The following ACP3 variants were observed in gnomAD, a reference collection of about 807,000 sequenced individuals.
The protein encoded by ACP3 is acid phosphatase 3, also known as prostatic acid phosphatase.
A neutral mutation model predicts 45.6 loss-of-function variants in ACP3; 38 were observed. That is an observed-to-expected ratio of 0.83 (90% CI 0.64 to 1.09). The LOEUF is 1.09. ACP3 is among the 50% of genes least tolerant of loss of function. The pLI is 0.00. For synonymous variants in ACP3, 162 were observed against 164.7 expected (o/e 0.98, Z 0.13); for missense variants, 466 against 463.2 (o/e 1.01, Z -0.05).
intron 7 of ACP3, 103 bp downstream of exon 7, chr3:132,345,162 C>T (rs774670592): frequency 4.4e-4 from 463 of 1,059,214 alleles, no homozygotes; most frequent in Non-Finnish European, 5.7e-4. Flanking sequence ...AGACAGTTCA[C>T]TTAATCACTC....
At chr3:132,367,994 G>A (rs761389559) in exon 11 of ACP3, 3 of 585,926 alleles carry the variant, frequency 5.1e-6, no homozygotes, top group Non-Finnish European at 9.2e-6. Flanking sequence ...GCTGCTGGAT[G>A]AACACTCAGG....
At chr3:132,324,547 C>A (rs962545523) in intron 1 of ACP3, among the ~76,000 whole-genome samples, 1 of 152,140 alleles carries the variant, frequency 6.6e-6, no homozygotes, top group Non-Finnish European at 1.5e-5. Context: ...GCCAACCTGT[C>A]CTCAGACGGG....
At position 132,358,287 on chromosome 3, in the gene ACP3, G is replaced by A; in HGVS notation, c.*1409G>A. ...GAAACAAAATTAGAAATGTAATTAT[G>A]TTCTAAGTGCCTCCAAGTTCAAAAC... On this transcript the variant is annotated 3_prime_UTR_variant, in exon 10 of 10. Transcript: ENST00000336375. 2 of 1,116,534 alleles carry A rather than the reference G, an allele frequency of 1.8e-6. No homozygotes were observed. The highest frequency in any genetic ancestry group is 2.2e-6 in the Non-Finnish European group (2 of 899,518). 69.2% of individuals were successfully genotyped at this position (1,116,534 alleles called of 1,614,324 possible). A position where few individuals can be genotyped will look rare whatever the true frequency, so the allele number is the denominator to read the frequency against.
chr3:132,344,810 A>G, intron 6 of ACP3, 117 bp from the exon 7 acceptor site: 1 of 1,178,384 alleles, frequency 8.5e-7, no homozygotes. Context: ...TTAGAAAGAA[A>G]TGGCAGGACA....
At chr3:132,349,863 A>G in intron 7 of ACP3, 57 bp from the exon 8 acceptor site, 1 of 1,259,002 alleles carries the variant, frequency 7.9e-7, no homozygotes, top group Non-Finnish European at 1.2e-6. Context: ...AAAGCTAATG[A>G]ACTAAAATAG....
At chr3:132,329,973 CA>C (rs1163164521) in intron 2 of ACP3, among the ~76,000 whole-genome samples, 2 of 140,610 alleles carry the variant, frequency 1.4e-5, no homozygotes, top group Admixed American at 1.5e-4. Context: ...GGCTGGAGTG[CA>C]GTGGCTCGAT....
In ACP3 at chr3:132,353,057, C is replaced by G. The variant is rs114633306; in HGVS notation, c.968+234C>G. Among the ~76,000 whole-genome samples the G allele has an allele frequency of 7.2e-3, 1,102 of 152,080 alleles. 16 individuals are homozygous for G. Among genetic ancestry groups the G allele is most frequent in the African/African-American group, 0.025 (1,039 of 41,492 alleles). On this transcript the variant is annotated intron_variant, in intron 9 of 9. Transcript: ENST00000336375. ...AAAAATTGGGAAATAGCCTATGTAA[C>G]AGAAATTACATTTTTAAAAAAATTA...
At chr3:132,327,976 T>C (rs751582238) in intron 1 of ACP3, among the ~76,000 whole-genome samples, 1 of 152,182 alleles carries the variant, frequency 6.6e-6, no homozygotes, top group Non-Finnish European at 1.5e-5. Context: ...GATTCTTACA[T>C]TACCTGAAAC....
chr3:132,341,805 T>G (rs1372778258), intron 5 of ACP3, among the ~76,000 whole-genome samples: 2 of 152,222 alleles, frequency 1.3e-5, no homozygotes, highest in African/African-American at 4.8e-5. Flanking sequence ...TATGAAAATC[T>G]ATTGAGGTTA....
intron 2 of ACP3, among the ~76,000 whole-genome samples, chr3:132,331,222 A>G (rs1370727134): frequency 6.6e-6 from 1 of 152,242 alleles, no homozygotes; most frequent in African/African-American, 2.4e-5. Context: ...TTGCCCACAG[A>G]GGTTGAAAGA....
At chr3:132,344,205 GA>G (rs1431684253) in intron 6 of ACP3, among the ~76,000 whole-genome samples, 1 of 150,942 alleles carries the variant, frequency 6.6e-6, no homozygotes, top group Non-Finnish European at 1.5e-5. Flanking sequence ...TTGAACCCAG[GA>G]AGTGGAGGTT....
chr3:132,337,989 T>C (rs945837129), intron 5 of ACP3, among the ~76,000 whole-genome samples: 1 of 152,222 alleles, frequency 6.6e-6, no homozygotes, highest in Non-Finnish European at 1.5e-5. Flanking sequence ...GCTGTGTACT[T>C]TTTAAAATAA....
chr3:132,328,198 T>C (rs1937333327), intron 1 of ACP3, 69 bp from the exon 2 acceptor site: 1 of 1,219,164 alleles, frequency 8.2e-7, no homozygotes, highest in Admixed American at 2.3e-5. Context: ...AAAAAAAAAC[T>C]ATTATAATGA....
At chr3:132,338,658 G>A (rs976074763) in intron 5 of ACP3, among the ~76,000 whole-genome samples, 1 of 152,204 alleles carries the variant, frequency 6.6e-6, no homozygotes, top group Non-Finnish European at 1.5e-5. Context: ...CCAACAGTAT[G>A]TGGACCACTC....
intron 7 of ACP3, among the ~76,000 whole-genome samples, chr3:132,348,723 G>A (rs1289616009): frequency 5.9e-5 from 9 of 152,090 alleles, no homozygotes; most frequent in Non-Finnish European, 1.0e-4. Flanking sequence ...TGTTAGACAT[G>A]TACATTCAGA....
chr3:132,348,483 G>C (rs947276410), intron 7 of ACP3, among the ~76,000 whole-genome samples: 3 of 152,014 alleles, frequency 2.0e-5, no homozygotes, highest in African/African-American at 7.2e-5. Flanking sequence ...AATCACTCCT[G>C]GGATAAGGGT....
intron 4 of ACP3, among the ~76,000 whole-genome samples, chr3:132,335,338 T>C (rs1468936448): frequency 6.6e-6 from 1 of 152,004 alleles, no homozygotes; most frequent in Non-Finnish European, 1.5e-5. Context: ...AATTCTGGAA[T>C]TAAGAAATAA....
chr3:132,320,762 A>C (rs1937193321), intron 1 of ACP3, among the ~76,000 whole-genome samples: 1 of 150,714 alleles, frequency 6.6e-6, no homozygotes, highest in Non-Finnish European at 1.5e-5. Flanking sequence ...GTGATTCTCC[A>C]GTCTCAGCCT....
In ACP3 at chr3:132,347,844, TAC is replaced by T. The variant is rs112045628; in HGVS notation, c.782-2049_782-2048del. Reference sequence around the variant, plus strand: ...CACTGTTCAGTAAGACACACACACATACACACACACACACACACACACACACA... The same window carrying T: ...CACTGTTCAGTAAGACACACACACATACACACACACACACACACACACACA... On this transcript the variant is annotated intron_variant, in intron 7 of 9. Transcript: ENST00000336375. Among the ~76,000 whole-genome samples the T allele has an allele frequency of 1.9e-3, 278 of 144,976 alleles. 1 individual carries two copies. The highest frequency in any genetic ancestry group is 2.9e-3 in the African/African-American group (110 of 38,524).
Sources: gnomAD v4.1 joint callset for allele counts (sites outside exome capture counted in the v4.1 genomes callset) on GRCh38, gnomAD v4.1.1 for gene constraint, MANE v1.5 for transcripts, NCBI Gene and HGNC (gene_info 2026-07-23, HGNC 2026-07-21) for gene names.